Variants in PHLPP1 observed in about 807,000 individuals in gnomAD.
The protein encoded by PHLPP1 is PH domain leucine-rich repeat-containing protein phosphatase 1.
A neutral mutation model predicts 117.2 loss-of-function variants in PHLPP1; 42 were observed. The observed-to-expected ratio is 0.36, with a 90% CI of 0.28 to 0.46. The LOEUF is 0.46. PHLPP1 is among the 20% of genes least tolerant of loss of function. The pLI, the probability that PHLPP1 is intolerant of heterozygous loss-of-function variation, is 1.00. For missense variants in PHLPP1, 2,084 were observed against 2,241.9 expected, an observed-to-expected ratio of 0.93 and a Z score of 1.42; for synonymous variants, 1,042 against 970.7, an observed-to-expected ratio of 1.07 and a Z score of -1.37.
intron 3 of PHLPP1, among the ~76,000 whole-genome samples, chr18:62,850,617 G>C (rs991791128): frequency 1.3e-5 from 2 of 152,126 alleles, no homozygotes; most frequent in East Asian, 3.8e-4. Flanking sequence ...ATAAGGAACT[G>C]AGGAAGGAAC....
At position 62,919,947 on chromosome 18, in the gene PHLPP1, C is replaced by G. The variant is rs376839088; in HGVS notation, c.2805-12C>G. 6.8e-4 allele frequency: 1,069 copies of G among 1,569,866 alleles called. 1 individual carries two copies. The highest frequency in any genetic ancestry group is 8.9e-4 in the Non-Finnish European group (1,031 of 1,156,108). ...TTTTTCATTTTTTGGTCTTTTGTCCCTTTTTATACAGCTTATTTTGTAATA... is the reference window on the plus strand; with the variant it reads ...TTTTTCATTTTTTGGTCTTTTGTCCGTTTTTATACAGCTTATTTTGTAATA... On this transcript the variant is annotated splice_polypyrimidine_tract_variant and intron_variant, in intron 9 of 16. Transcript: ENST00000262719.
intron 1 of PHLPP1, among the ~76,000 whole-genome samples, chr18:62,766,076 A>AAAAAAAAAATATATATATATATATATAT: frequency 9.2e-5 from 2 of 21,662 alleles, no homozygotes; most frequent in Non-Finnish European, 8.5e-5. Flanking sequence ...AAAAAAAAAA[A>AAAAAAAAAATATATATATATATATATAT]ATATATATAT....
rs1910761780 is a variant in PHLPP1, at chr18:62,716,875, G to C, written c.1192G>C (p.Gly398Arg). The C allele has an allele frequency of 1.3e-6, 2 of 1,524,414 alleles. No homozygotes were observed. Among genetic ancestry groups the C allele is most frequent in the African/African-American group, 2.8e-5 (2 of 70,966 alleles). The allele number at this position is 1,524,414 out of a possible 1,614,324, so 94.4% of individuals were successfully genotyped here. A position where few individuals can be genotyped will look rare whatever the true frequency, so the allele number is the denominator to read the frequency against. ...GGTCCCGGGCCAGCCCCGCCGTCCCGGCCACCCCGCGCAGCCCCTCCCGCT... is the reference window on the plus strand; with the variant it reads ...GGTCCCGGGCCAGCCCCGCCGTCCCCGCCACCCCGCGCAGCCCCTCCCGCT... ...TGVPGQPRRPGHPAQPLPLPQ... is the reference protein window; with the variant it reads ...TGVPGQPRRPRHPAQPLPLPQ... Residue 398 changes from glycine to arginine, a missense_variant, in exon 1 of 17, where the codon GGC (glycine) becomes CGC (arginine). Physicochemically the swap from Gly to Arg is moderately radical, Grantham distance 125. Coordinates refer to ENST00000262719, the MANE Select transcript of PHLPP1 (RefSeq NM_194449.4). The surrounding 1 kb of genome is among the most constrained non-coding windows in gnomAD (Gnocchi z 5.7).
chr18:62,901,233 A>G (rs1416218099), intron 6 of PHLPP1, among the ~76,000 whole-genome samples: 5 of 152,148 alleles, frequency 3.3e-5, no homozygotes, highest in Non-Finnish European at 4.4e-5. Context: ...AGAAGATGGG[A>G]CATTTGTTCC....
intron 1 of PHLPP1, among the ~76,000 whole-genome samples, chr18:62,764,645 G>C (rs770526227): frequency 6.8e-6 from 1 of 147,702 alleles, no homozygotes; most frequent in Non-Finnish European, 1.5e-5. Context: ...CCAGCTACTC[G>C]AGAGGCTGAG....
intron 1 of PHLPP1, among the ~76,000 whole-genome samples, chr18:62,720,344 AGTC>A (rs1910878394): frequency 1.3e-5 from 2 of 152,176 alleles, no homozygotes; most frequent in South Asian, 4.1e-4. Context: ...AGATCTGAGT[AGTC>A]TAGCAATTTC....
rs533279919 is a variant in PHLPP1 at position 62,842,723 on chromosome 18, T to C, written c.1899+3814T>C. ...CTTCTCCAATTTTAAAAACCAGATA[T>C]ATATTTCAAAAATGTTTAGCAGTTA... On this transcript the variant is annotated intron_variant, in intron 3 of 16. Transcript: ENST00000262719. 7.9e-5 allele frequency among the ~76,000 whole-genome samples: 12 copies of C among 152,254 alleles called. No individual in the cohort carries two copies. In the South Asian group the frequency reaches 2.3e-3, roughly 29 times the overall value.
intron 2 of PHLPP1, among the ~76,000 whole-genome samples, chr18:62,830,978 G>C (rs1325197133): frequency 6.6e-6 from 1 of 152,098 alleles, no homozygotes; most frequent in African/African-American, 2.4e-5. Context: ...TGATCAGTGG[G>C]GTTAGCATTT....
At chr18:62,899,202 T>C (rs1175486582) in intron 6 of PHLPP1, among the ~76,000 whole-genome samples, 1 of 152,230 alleles carries the variant, frequency 6.6e-6, no homozygotes, top group Non-Finnish European at 1.5e-5. Flanking sequence ...ATTACAACTT[T>C]AGAAAATAGG....
At chr18:62,873,033 T>G (rs548505933) in intron 4 of PHLPP1, among the ~76,000 whole-genome samples, 1 of 151,638 alleles carries the variant, frequency 6.6e-6, no homozygotes, top group East Asian at 1.9e-4. Flanking sequence ...GAGCACTCCT[T>G]TTTACACCTG....
At chr18:62,797,199 T>A (rs1418500056) in intron 1 of PHLPP1, among the ~76,000 whole-genome samples, 1 of 152,232 alleles carries the variant, frequency 6.6e-6, no homozygotes, top group African/African-American at 2.4e-5. Flanking sequence ...CTTTTTTTAT[T>A]CCTTTTCCGA....
At chr18:62,811,743 A>C (rs1201790477) in intron 1 of PHLPP1, among the ~76,000 whole-genome samples, 1 of 152,166 alleles carries the variant, frequency 6.6e-6, no homozygotes, top group Non-Finnish European at 1.5e-5. Context: ...TTTTTTAAAG[A>C]GATTCCTAAT....
intron 1 of PHLPP1, among the ~76,000 whole-genome samples, chr18:62,818,158 GA>G (rs1407393273): frequency 6.6e-6 from 1 of 151,952 alleles, no homozygotes; most frequent in Non-Finnish European, 1.5e-5. Flanking sequence ...CTTCTTGACA[GA>G]AACATTGAAC....
intron 4 of PHLPP1, among the ~76,000 whole-genome samples, chr18:62,873,600 A>G (rs1266534830): frequency 6.6e-6 from 1 of 152,218 alleles, no homozygotes; most frequent in African/African-American, 2.4e-5. Context: ...CAAAACTAGC[A>G]CAGCTAGAAG....
At chr18:62,944,148 A>G (rs144573567) in intron 11 of PHLPP1, among the ~76,000 whole-genome samples, 3 of 152,298 alleles carry the variant, frequency 2.0e-5, no homozygotes, top group Non-Finnish European at 4.4e-5. Context: ...AATGTAAACT[A>G]TTATTCAGCT....
intron 1 of PHLPP1, among the ~76,000 whole-genome samples, chr18:62,747,561 C>T (rs1452220639): frequency 6.6e-6 from 1 of 152,026 alleles, no homozygotes; most frequent in African/African-American, 2.4e-5. Flanking sequence ...CTCCATGTGT[C>T]ATTCAGGCTG....
At chr18:62,828,008 TTGTGTGTGTGTGTGTGTG>T (rs34088259) in intron 1 of PHLPP1, among the ~76,000 whole-genome samples, 4 of 146,668 alleles carry the variant, frequency 2.7e-5, no homozygotes, top group Admixed American at 6.8e-5. Flanking sequence ...TTCTTTGCAT[TTGTGTGTGTGTGTGTGTG>T]TGTGTGTGTG....
intron 12 of PHLPP1, among the ~76,000 whole-genome samples, chr18:62,951,291 A>G (rs1001665238): frequency 2.5e-4 from 36 of 144,756 alleles, no homozygotes; most frequent in Admixed American, 1.2e-3. Context: ...AACCCAGACT[A>G]GTTTTGTGTG....
At position 62,899,504 on chromosome 18, in the gene PHLPP1, A is replaced by G. The variant is rs906790185; in HGVS notation, c.2445-3460A>G. ...AATCAGATGATTTGCTTCCTTTTCC[A>G]TAGCCTCTTTTTTAAAAAACCATTC... On this transcript the variant is annotated intron_variant, in intron 6 of 16. Transcript: ENST00000262719. Among the ~76,000 whole-genome samples, 4 of 151,250 alleles carry G rather than the reference A, an allele frequency of 2.6e-5. No individual in the cohort carries two copies. The East Asian group carries it at 5.8e-4, about 22-fold the overall frequency.
Sources: gnomAD v4.1 joint callset for allele counts (sites outside exome capture counted in the v4.1 genomes callset) on GRCh38, gnomAD v4.1.1 for gene constraint, Gnocchi (gnomAD v3.1) non-coding constraint, MANE v1.5 for transcripts, NCBI Gene and HGNC (gene_info 2026-07-23, HGNC 2026-07-21) for gene names.